RD3L: variants seen among roughly 807,000 people sequenced by gnomAD.
The protein encoded by RD3L is RD3 like.
A neutral mutation model predicts 12.5 loss-of-function variants in RD3L; 6 were observed. The observed-to-expected ratio is 0.48, with a 90% confidence interval of 0.26 to 0.95. The LOEUF (loss-of-function observed/expected upper bound fraction) is 0.95, where lower values mean the gene tolerates loss of function less well. RD3L is among the 40% of genes least tolerant of loss of function. The probability of loss-of-function intolerance (pLI) is 0.14; values close to 1 mark genes in which losing one functional copy is unlikely to be tolerated. For synonymous variants in RD3L, 87 were observed against 79.3 expected (o/e 1.10, Z -0.52); for missense variants, 234 against 228.6 (o/e 1.02, Z -0.15).
rs756331635 is a variant in RD3L, at chr14:103,940,975, C to G, written c.428G>C (p.Gly143Ala). The change falls in exon 3 of 3, where the codon GGG becomes GCG. Residue 143 changes from glycine (G) to alanine (A), a missense_variant. Coordinates refer to ENST00000557640, the MANE Select transcript of RD3L (RefSeq NM_001257268.2). ...GSEQEDLEDS[G>A]SMDCSAPSVI... ...AGAAGGAGCAGAGCAGTCCATGCTCCCTGAGTCCTCCAGGTCCTCTTGCTC... is the reference window on the plus strand; with the variant it reads ...AGAAGGAGCAGAGCAGTCCATGCTCGCTGAGTCCTCCAGGTCCTCTTGCTC... 6.5e-7 allele frequency: 1 copy of G among 1,535,430 alleles called. No individual in the cohort carries two copies. The highest frequency in any genetic ancestry group is 1.2e-5 in the South Asian group (1 of 84,044).
In RD3L at chr14:103,941,547, T is replaced by C; in HGVS notation, c.149A>G (p.Asn50Ser). ...ACCTGTTTTTTTCACTTTTTGTTCATTTTCGATTTCTTGTATTAATCTCTC... is the reference window on the plus strand; with the variant it reads ...ACCTGTTTTTTTCACTTTTTGTTCACTTTCGATTTCTTGTATTAATCTCTC... ...ERERLIQEIE[N>S]EQKVKKTGVD... is the part of the protein sequence containing the mutation. Residue 50 changes from asparagine to serine, a missense_variant, in exon 2 of 3, where the codon AAT becomes AGT. Transcript: ENST00000557640. The C allele has an allele frequency of 6.5e-7, 1 of 1,535,404 alleles. No individual in the cohort carries two copies. Among genetic ancestry groups the C allele is most frequent in the Non-Finnish European group, 8.7e-7 (1 of 1,146,698 alleles).
rs1348607653 is a variant in RD3L, at chr14:103,942,146, A to T, written c.-62T>A. 1 of 163,168 alleles carries T rather than the reference A, an allele frequency of 6.1e-6. No individual in the cohort carries two copies. Among genetic ancestry groups the T allele is most frequent in the Non-Finnish European group, 1.3e-5 (1 of 75,766 alleles). The allele number at this position is 163,168 out of a possible 1,614,324, so 10.1% of individuals were successfully genotyped here. A position where few individuals can be genotyped will look rare whatever the true frequency, so the allele number is the denominator to read the frequency against. ...GCCAAAGAGTTGACTGAAGTTGGTGACGAAGCTGTGTTTCACTGGGACGTA... is the reference window on the plus strand; with the variant it reads ...GCCAAAGAGTTGACTGAAGTTGGTGTCGAAGCTGTGTTTCACTGGGACGTA... On this transcript the variant is annotated 5_prime_UTR_variant, in exon 1 of 3. Coordinates refer to ENST00000557640, the MANE Select transcript of RD3L (RefSeq NM_001257268.2).
chr14:103,941,250 A>G, intron 2 of RD3L, 147 bp from the exon 3 acceptor site: 1 of 947,468 alleles, frequency 1.1e-6, no homozygotes, highest in East Asian at 2.6e-5. Flanking sequence ...TCTAGTAAAG[A>G]AATTTTAAAT....
chr14:103,942,001 T>C (rs1191731494), intron 1 of RD3L, 91 bp downstream of exon 1: 5 of 296,016 alleles, frequency 1.7e-5, no homozygotes, highest in African/African-American at 6.6e-5. Flanking sequence ...TGTGAAAAGT[T>C]CTTAAGAGAC....
chr14:103,941,019 G>A lies in RD3L; in HGVS notation c.384C>T (p.Ser128=). ...IFKQVLKDFL[S]SSDRGSEQED... is the part of the protein sequence containing the mutation. ...CTTGCTCACTCCCTCTGTCAGAGCT[G>A]CTTAGGAAGTCTTTCAGAACTTGCT... The change falls in exon 3 of 3, where the codon AGC becomes AGT. Residue 128 remains serine, a synonymous_variant. Coordinates refer to ENST00000557640, the MANE Select transcript of RD3L (RefSeq NM_001257268.2). The A allele has an allele frequency of 6.5e-7, 1 of 1,535,292 alleles. No individual in the cohort carries two copies. Among genetic ancestry groups the A allele is most frequent in the Non-Finnish European group, 8.7e-7 (1 of 1,146,576 alleles).
intron 1 of RD3L, 85 bp from the exon 2 acceptor site, chr14:103,941,787 C>T (rs1044014515): frequency 5.8e-5 from 59 of 1,010,258 alleles, no homozygotes; most frequent in Middle Eastern, 2.6e-4. Flanking sequence ...TAAATTTGCC[C>T]GAAAAGTGCA....
intron 1 of RD3L, 107 bp downstream of exon 1, chr14:103,941,985 A>G: frequency 2.9e-6 from 1 of 343,398 alleles, no homozygotes. Context: ...TAACACTAAC[A>G]CTTGCTGTGA....
rs1378266127 is a variant in RD3L at position 103,940,926 on chromosome 14, C to T, written c.477G>A (p.Lys159=). The T allele has an allele frequency of 3.3e-6, 5 of 1,535,318 alleles. No individual in the cohort carries two copies. The highest frequency in any genetic ancestry group is 1.4e-5 in the African/African-American group (1 of 73,022). Reference sequence around the variant, plus strand: ...TGGGTATTTCATCTTTGTCTGCCCTCTTGGAGCTGTCACCTTGGATCACAG... The same window carrying T: ...TGGGTATTTCATCTTTGTCTGCCCTTTTGGAGCTGTCACCTTGGATCACAG... The part of the protein sequence containing the change: ...APSVIQGDSS[K]RADKDEIPTI... The change falls in exon 3 of 3, where the codon AAG becomes AAA. Residue 159 remains lysine, a synonymous_variant. Transcript: ENST00000557640.
chr14:103,940,936 T>C lies in RD3L; in HGVS notation c.467A>G (p.Asp156Gly). Reference protein sequence around the residue: ...DCSAPSVIQGDSSKRADKDEI... With the variant: ...DCSAPSVIQGGSSKRADKDEI... Reference sequence around the variant, plus strand: ...ATCTTTGTCTGCCCTCTTGGAGCTGTCACCTTGGATCACAGAAGGAGCAGA... The same window carrying C: ...ATCTTTGTCTGCCCTCTTGGAGCTGCCACCTTGGATCACAGAAGGAGCAGA... The change falls in exon 3 of 3, where the codon GAC becomes GGC. Residue 156 changes from aspartate to glycine, a missense_variant. By Grantham distance (94) the Asp-to-Gly change is moderately conservative. Coordinates refer to ENST00000557640, the MANE Select transcript of RD3L (RefSeq NM_001257268.2). 6.5e-7 allele frequency: 1 copy of C among 1,535,438 alleles called. No individual in the cohort carries two copies. Among genetic ancestry groups the C allele is most frequent in the Non-Finnish European group, 8.7e-7 (1 of 1,146,718 alleles).
Position 103,941,617 on chromosome 14 carries a change from T to A in RD3L, c.79A>T (p.Thr27Ser), listed in dbSNP as rs2031240709. ...TTTAATTCCCGAAGCAGAGTCTTTG[T>A]CACTATGTCTGAGCCAGGATAGTGT... ...PTHYPGSDIV[T>S]KTLLRELKWH... Residue 27 changes from threonine (T) to serine (S), a missense_variant, in exon 2 of 3, where the codon ACA (threonine) becomes TCA (serine). Thr to Ser is a moderately conservative substitution (Grantham distance 58). Transcript: ENST00000557640. 1 of 1,535,218 alleles carries A rather than the reference T, an allele frequency of 6.5e-7. No homozygotes were observed. The highest frequency in any genetic ancestry group is 8.7e-7 in the Non-Finnish European group (1 of 1,146,610).
Position 103,940,716 on chromosome 14 carries a change from A to G in RD3L, c.*90T>C, listed in dbSNP as rs956503977. 2.3e-6 allele frequency: 2 copies of G among 876,578 alleles called. No homozygotes were observed. The highest frequency in any genetic ancestry group is 3.4e-6 in the Non-Finnish European group (2 of 581,562). The allele number at this position is 876,578 out of a possible 1,614,324, so 54.3% of individuals were successfully genotyped here. On this transcript the variant is annotated 3_prime_UTR_variant, in exon 3 of 3. Coordinates refer to ENST00000557640, the MANE Select transcript of RD3L (RefSeq NM_001257268.2). ...ATCCACAGGATACTGACCTTGTAAC[A>G]AAGAAAAACTTGAAGTCACATCACT...
Position 103,940,789 on chromosome 14 carries a change from C to G in RD3L, c.*17G>C. ...AGTTCTAAGGTGTTCATAAAAACCC[C>G]TCTAGTTGTAAGTAACTTAACTAGA... is the stretch of plus-strand genomic sequence containing the variant. On this transcript the variant is annotated 3_prime_UTR_variant, in exon 3 of 3. Coordinates refer to ENST00000557640, the MANE Select transcript of RD3L (RefSeq NM_001257268.2). The G allele has an allele frequency of 6.6e-7, 1 of 1,510,930 alleles. No homozygotes were observed. Among genetic ancestry groups the G allele is most frequent in the Non-Finnish European group, 8.9e-7 (1 of 1,125,120 alleles). 93.6% of individuals were successfully genotyped at this position (1,510,930 alleles called of 1,614,324 possible).
Position 103,941,397 on chromosome 14 carries a change from CT to C in RD3L, c.298del (p.Arg100AspfsTer16). The C allele has an allele frequency of 6.5e-7, 1 of 1,530,210 alleles. No individual in the cohort carries two copies. Among genetic ancestry groups the C allele is most frequent in the Non-Finnish European group, 8.7e-7 (1 of 1,143,872 alleles). The allele number at this position is 1,530,210 out of a possible 1,614,324, so 94.8% of individuals were successfully genotyped here. The part of the protein sequence containing the change: ...QPCQTGTILS[R>X]FREVLAENDV... ...TCATAAGAGAACATAGTATTTTTAC[CT>C]GCTGAGAATAGTTCCAGTTTGGCAA... On this transcript the variant is annotated frameshift_variant and splice_region_variant, in exon 2 of 3. Transcript: ENST00000557640. LOFTEE classifies it low-confidence loss of function (END_TRUNC).
At chr14:103,941,932 T>C (rs1317029289) in intron 1 of RD3L, among the ~76,000 whole-genome samples, 160 bp downstream of exon 1, 3 of 152,212 alleles carry the variant, frequency 2.0e-5, no homozygotes, top group Non-Finnish European at 4.4e-5. Flanking sequence ...AAATTAGATA[T>C]ACAAAGTCAG....
chr14:103,941,881 C>G (rs2031257279), intron 1 of RD3L, among the ~76,000 whole-genome samples, 179 bp from the exon 2 acceptor site: 1 of 152,056 alleles, frequency 6.6e-6, no homozygotes, highest in South Asian at 2.1e-4. Context: ...AGGTCAGTGG[C>G]AGAAACCAAG....
In RD3L at chr14:103,940,626, A is replaced by C. The variant is rs897795870; in HGVS notation, c.*180T>G. The C allele has an allele frequency of 3.9e-6, 2 of 506,532 alleles. No homozygotes were observed. Among genetic ancestry groups the C allele is most frequent in the Non-Finnish European group, 3.5e-6 (1 of 288,280 alleles). The allele number at this position is 506,532 out of a possible 1,614,324, so 31.4% of individuals were successfully genotyped here. A position where few individuals can be genotyped will look rare whatever the true frequency, so the allele number is the denominator to read the frequency against. ...GAAACATTTTAGTTAAAAGCATACTATTCAATGAAAACATAGCATGTTTAG... is the reference window on the plus strand; with the variant it reads ...GAAACATTTTAGTTAAAAGCATACTCTTCAATGAAAACATAGCATGTTTAG... On this transcript the variant is annotated 3_prime_UTR_variant, in exon 3 of 3. Coordinates refer to ENST00000557640, the MANE Select transcript of RD3L (RefSeq NM_001257268.2).
chr14:103,941,279 T>TAAGGCGAC, intron 2 of RD3L, 118 bp downstream of exon 2: 2 of 857,344 alleles, frequency 2.3e-6, no homozygotes, highest in Non-Finnish European at 3.3e-6. Flanking sequence ...AAACAATTGC[T>TAAGGCGAC]CACCAGACAT....
chr14:103,941,332 T>G, intron 2 of RD3L, 65 bp downstream of exon 2: 1 of 1,220,730 alleles, frequency 8.2e-7, no homozygotes, highest in Non-Finnish European at 1.1e-6. Flanking sequence ...CAGTTTCTAG[T>G]CAAAATATAT....
Position 103,941,423 on chromosome 14 carries a change from A to G in RD3L, c.273T>C (p.Pro91=). ...TGCTGAGAATAGTTCCAGTTTGGCA[A>G]GGTTGAACTTGTGAGCAAAGAACTT... is the stretch of plus-strand genomic sequence containing the variant. ...QLEVLCSQVQ[P]CQTGTILSRF... Residue 91 remains proline, a synonymous_variant, in exon 2 of 3, where the codon CCT becomes CCC. Coordinates refer to ENST00000557640, the MANE Select transcript of RD3L (RefSeq NM_001257268.2). 1 of 1,535,110 alleles carries G rather than the reference A, an allele frequency of 6.5e-7. No individual in the cohort carries two copies. Among genetic ancestry groups the G allele is most frequent in the Non-Finnish European group, 8.7e-7 (1 of 1,146,574 alleles).
Sources: allele counts gnomAD v4.1 joint callset (sites outside exome capture counted in the v4.1 genomes callset), GRCh38; gene constraint gnomAD v4.1.1; transcripts MANE v1.5; gene names NCBI Gene and HGNC (gene_info 2026-07-23, HGNC 2026-07-21).